The following FBXW8 variants were observed in gnomAD, a reference collection of about 807,000 sequenced individuals.
FBXW8 encodes F-box and WD repeat domain containing 8.
In FBXW8, 57 loss-of-function variants were observed where a neutral mutation model predicts 65.3. That is an observed-to-expected ratio of 0.87 (90% CI 0.71 to 1.09). FBXW8 has a LOEUF of 1.09. Ranked by LOEUF, FBXW8 falls within the 50% of genes least tolerant of loss-of-function variation. The pLI is 0.00. For synonymous variants in FBXW8, 308 were observed against 330.2 expected, an observed-to-expected ratio of 0.93 and a Z score of 0.73; for missense variants, 777 against 814.8, an observed-to-expected ratio of 0.95 and a Z score of 0.57.
At chr12:116,992,940 A>G (rs573769539) in intron 7 of FBXW8, among the ~76,000 whole-genome samples, 1 of 152,214 alleles carries the variant, frequency 6.6e-6, no homozygotes, top group South Asian at 2.1e-4. Flanking sequence ...GTAGATATCC[A>G]GTAGTGGGAT....
intron 7 of FBXW8, among the ~76,000 whole-genome samples, chr12:116,996,185 C>T (rs1000563318): frequency 6.6e-6 from 1 of 152,170 alleles, no homozygotes; most frequent in African/African-American, 2.4e-5. Flanking sequence ...AAGCGGCACA[C>T]GGCGTGCATC....
intron 5 of FBXW8, among the ~76,000 whole-genome samples, chr12:116,984,261 T>A (rs1339555844): frequency 6.6e-6 from 1 of 152,144 alleles, no homozygotes; most frequent in Admixed American, 6.5e-5. Context: ...CCAGTGGACA[T>A]CCCCAGAGTT....
intron 5 of FBXW8, among the ~76,000 whole-genome samples, chr12:116,965,315 C>T (rs1209625138): frequency 2.0e-5 from 3 of 152,118 alleles, no homozygotes; most frequent in Admixed American, 6.5e-5. Flanking sequence ...CTTAATATAC[C>T]ATACCAGATA....
intron 5 of FBXW8, among the ~76,000 whole-genome samples, chr12:116,971,506 G>A (rs188618145): frequency 4.1e-4 from 62 of 152,198 alleles, no homozygotes; most frequent in Middle Eastern, 3.4e-3. Flanking sequence ...GACTGTATTA[G>A]GGGCTGGAGG....
chr12:116,958,181 A>G (rs963387414), intron 4 of FBXW8, among the ~76,000 whole-genome samples: 1 of 152,206 alleles, frequency 6.6e-6, no homozygotes, highest in Non-Finnish European at 1.5e-5. Flanking sequence ...TGTTTGTTGT[A>G]GTGCATTTCC....
intron 8 of FBXW8, among the ~76,000 whole-genome samples, chr12:117,016,951 G>T (rs1378675747): frequency 7.9e-5 from 12 of 152,200 alleles, no homozygotes; most frequent in Non-Finnish European, 1.8e-4. Flanking sequence ...GTAACTTTGA[G>T]GGGTTATTCC....
chr12:116,926,426 G>T lies in FBXW8; in HGVS notation c.319-1597G>T, dbSNP rs573786591. Among the ~76,000 whole-genome samples the T allele has an allele frequency of 3.3e-5, 5 of 152,180 alleles. No homozygotes were observed. In the South Asian group the frequency reaches 1.0e-3, roughly 32 times the overall value. ...CACGATTGCAAATGAAAGTTTCTTC[G>T]TGAGTGTGGCTTTCCTTGGCAAGCA... On this transcript the variant is annotated intron_variant, in intron 1 of 10. Coordinates refer to ENST00000652555, the MANE Select transcript of FBXW8 (RefSeq NM_153348.3).
rs760674088 is a variant in FBXW8 at position 116,988,889 on chromosome 12, T to A, written c.1239+20T>A. On this transcript the variant is annotated intron_variant, in intron 7 of 10. Coordinates refer to ENST00000652555, the MANE Select transcript of FBXW8 (RefSeq NM_153348.3). ...AGCAAGGTACACAACTAGCAAGATATATAATTAACAAAAAAGAATATAGAT... is the reference window on the plus strand; with the variant it reads ...AGCAAGGTACACAACTAGCAAGATAAATAATTAACAAAAAAGAATATAGAT... 6.3e-7 allele frequency: 1 copy of A among 1,592,650 alleles called. No individual in the cohort carries two copies. The highest frequency in any genetic ancestry group is 1.3e-5 in the African/African-American group (1 of 74,428).
chr12:116,995,217 G>A (rs548433577), intron 7 of FBXW8, among the ~76,000 whole-genome samples: 61 of 152,284 alleles, frequency 4.0e-4, no homozygotes, highest in African/African-American at 1.4e-3. Flanking sequence ...CAGCGTACGC[G>A]GACATGCTCC....
At chr12:116,943,583 T>A (rs1882745269) in intron 2 of FBXW8, among the ~76,000 whole-genome samples, 1 of 152,196 alleles carries the variant, frequency 6.6e-6, no homozygotes, top group African/African-American at 2.4e-5. Context: ...GCTTCACCAT[T>A]CTAGCAGCTT....
At chr12:116,945,343 G>A in intron 2 of FBXW8, 21 bp from the exon 3 acceptor site, 2 of 1,593,790 alleles carry the variant, frequency 1.3e-6, no homozygotes, top group Non-Finnish European at 1.7e-6. Context: ...TTTGACATTT[G>A]TGTCACTTCT....
At chr12:116,969,139 C>T (rs940157745) in intron 5 of FBXW8, among the ~76,000 whole-genome samples, 1 of 152,136 alleles carries the variant, frequency 6.6e-6, no homozygotes. Flanking sequence ...TGGGGTTTCA[C>T]GTCATGGTTG....
chr12:116,955,076 A>G (rs1013189389), intron 4 of FBXW8, among the ~76,000 whole-genome samples: 1 of 148,334 alleles, frequency 6.7e-6, no homozygotes, highest in Non-Finnish European at 1.5e-5. Context: ...GTATGCCCTC[A>G]GAGTCTAACA....
intron 7 of FBXW8, among the ~76,000 whole-genome samples, chr12:117,009,229 G>T (rs1033383355): frequency 6.6e-6 from 1 of 152,040 alleles, no homozygotes; most frequent in Non-Finnish European, 1.5e-5. Context: ...TTTTAAAAAA[G>T]AAAGAAAGAT....
At chr12:117,010,508 C>A (rs1448826792) in intron 8 of FBXW8, 58 bp downstream of exon 8, 5 of 1,610,502 alleles carry the variant, frequency 3.1e-6, no homozygotes, top group Non-Finnish European at 4.2e-6. Flanking sequence ...AAGGCCCGGC[C>A]CCCACTGCGC....
intron 5 of FBXW8, among the ~76,000 whole-genome samples, chr12:116,983,952 G>A (rs560216334): frequency 3.9e-5 from 6 of 152,240 alleles, no homozygotes; most frequent in South Asian, 2.1e-4. Context: ...CCCTAAGTCC[G>A]TCAGCTAACA....
chr12:116,999,162 A>T (rs749746868), intron 7 of FBXW8, among the ~76,000 whole-genome samples: 104 of 152,350 alleles, frequency 6.8e-4, no homozygotes, highest in Non-Finnish European at 1.1e-3. Context: ...AGAGCAAAGG[A>T]AAACTCCTGC....
rs372519246 is a variant in FBXW8 at position 116,985,337 on chromosome 12, G to T, written c.967G>T (p.Val323Leu). Residue 323 changes from valine (V) to leucine (L), a missense_variant, in exon 6 of 11, where the codon GTG becomes TTG. By Grantham distance (32) the Val-to-Leu change is conservative. Transcript: ENST00000652555. The stretch of plus-strand genomic sequence containing the variant: ...GGCCACAGCTTCTGCTTTTGATGTC[G>T]TGATGTTATCCCCCAATGAGGAGGG... ...TVATASAFDVVMLSPNEEGYW... is the reference protein window; with the variant it reads ...TVATASAFDVLMLSPNEEGYW... The T allele has an allele frequency of 1.2e-6, 2 of 1,614,184 alleles. No homozygotes were observed. Among genetic ancestry groups the T allele is most frequent in the Non-Finnish European group, 1.7e-6 (2 of 1,180,042 alleles).
In FBXW8 at chr12:117,024,268, G is replaced by A. The variant is rs1471926960; in HGVS notation, c.1489G>A (p.Val497Met). 1 of 1,614,216 alleles carries A rather than the reference G, an allele frequency of 6.2e-7. No individual in the cohort carries two copies. The highest frequency in any genetic ancestry group is 8.5e-7 in the Non-Finnish European group (1 of 1,180,036). ...CGTCAGTGGAGGCGAGGAAGGCCTG[G>A]TGTCCGTGTGGGATTATCGGATGAA... ...KIVSGGEEGL[V>M]SVWDYRMNQK... is the part of the protein sequence containing the mutation. The change falls in exon 9 of 11, where the codon GTG (valine) becomes ATG (methionine). Residue 497 changes from valine to methionine, a missense_variant. Transcript: ENST00000652555.
Sources: gnomAD v4.1 joint callset for allele counts (sites outside exome capture counted in the v4.1 genomes callset) on GRCh38, gnomAD v4.1.1 for gene constraint, MANE v1.5 for transcripts, NCBI Gene and HGNC (gene_info 2026-07-23, HGNC 2026-07-21) for gene names.